KPNA1: variants seen among roughly 807,000 people sequenced by gnomAD.
KPNA1 encodes the protein karyopherin subunit alpha 1.
Under a neutral mutation model 70.5 loss-of-function variants are expected in KPNA1, and 10 were observed. The ratio of observed to expected loss-of-function variants is 0.14; its 90% CI spans 0.09 to 0.24. The LOEUF (loss-of-function observed/expected upper bound fraction) is 0.24. KPNA1 is among the 10% of genes least tolerant of loss of function. The pLI, the probability that KPNA1 is intolerant of heterozygous loss-of-function variation, is 1.00. For missense variants in KPNA1, 397 were observed against 637.9 expected (o/e 0.62, Z 4.07); for synonymous variants, 192 against 221.9 (o/e 0.87, Z 1.20).
At chr3:122,505,220 T>G (rs2076877235) in intron 1 of KPNA1, among the ~76,000 whole-genome samples, 2 of 147,960 alleles carry the variant, frequency 1.4e-5, no homozygotes, top group Non-Finnish European at 3.0e-5. Flanking sequence ...TAAGTATGGC[T>G]TGAACCCGGG....
chr3:122,473,841 G>C (rs1483666753), intron 2 of KPNA1, among the ~76,000 whole-genome samples: 1 of 152,234 alleles, frequency 6.6e-6, no homozygotes, highest in Middle Eastern at 3.4e-3. Context: ...ACATTGTATT[G>C]CAAGTCCTAA....
chr3:122,463,886 G>A (rs2076352495), intron 4 of KPNA1, 56 bp downstream of exon 4: 1 of 930,450 alleles, frequency 1.1e-6, no homozygotes. Context: ...AACAGACTAT[G>A]GGAAAGTAAT....
At chr3:122,478,248 C>T (rs959598739) in intron 2 of KPNA1, among the ~76,000 whole-genome samples, 1 of 151,532 alleles carries the variant, frequency 6.6e-6, no homozygotes, top group South Asian at 2.1e-4. Flanking sequence ...CACACACAGG[C>T]AAAAAAACAA....
At chr3:122,457,824 G>C (rs2076280450) in intron 5 of KPNA1, 3 of 1,289,606 alleles carry the variant, frequency 2.3e-6, no homozygotes, top group Non-Finnish European at 3.0e-6. Context: ...GTTCCACTCT[G>C]GTTCCTAGCA....
intron 11 of KPNA1, among the ~76,000 whole-genome samples, chr3:122,436,019 T>G (rs1049241914): frequency 2.0e-5 from 3 of 152,172 alleles, no homozygotes; most frequent in African/African-American, 7.2e-5. Flanking sequence ...CAAAAGTGAA[T>G]AGGAGAAATA....
Position 122,461,214 on chromosome 3 carries a change from T to G in KPNA1, c.432+10A>C. On this transcript the variant is annotated intron_variant, in intron 5 of 13. Transcript: ENST00000344337. ...TAAGTTATGAGGCAATAAATAAAAA[T>G]TATTCGCACCTGCAGTGTACAATTC... The G allele has an allele frequency of 4.5e-6, 7 of 1,547,996 alleles. No individual in the cohort carries two copies. The highest frequency in any genetic ancestry group is 5.3e-6 in the Non-Finnish European group (6 of 1,138,262).
At chr3:122,437,448 A>G (rs767807978) in intron 10 of KPNA1, among the ~76,000 whole-genome samples, 153 bp from the exon 11 acceptor site, 2 of 152,252 alleles carry the variant, frequency 1.3e-5, no homozygotes, top group African/African-American at 2.4e-5. Context: ...TTCACTGTTA[A>G]TAAGAATTAG....
chr3:122,450,681 G>A (rs1045063678), intron 8 of KPNA1, among the ~76,000 whole-genome samples: 2 of 152,172 alleles, frequency 1.3e-5, no homozygotes, highest in African/African-American at 2.4e-5. Context: ...TAACCACTAT[G>A]GAAAACAGTG....
chr3:122,500,795 T>C (rs905640585), intron 1 of KPNA1, among the ~76,000 whole-genome samples: 3 of 152,082 alleles, frequency 2.0e-5, no homozygotes, highest in Admixed American at 1.3e-4. Context: ...TATGCCACTG[T>C]GCCCAGGAAA....
At chr3:122,437,993 TAAACA>T (rs2076011481) in intron 10 of KPNA1, among the ~76,000 whole-genome samples, 1 of 152,246 alleles carries the variant, frequency 6.6e-6, no homozygotes, top group Non-Finnish European at 1.5e-5. Context: ...AATAAAAAGC[TAAACA>T]GATTAAAGAC....
At chr3:122,479,633 G>A (rs928071397) in intron 2 of KPNA1, among the ~76,000 whole-genome samples, 30 of 152,102 alleles carry the variant, frequency 2.0e-4, no homozygotes, top group Admixed American at 1.6e-3. Context: ...GGTGGTAGGC[G>A]CCTGTAATCC....
At chr3:122,465,328 G>A (rs1325690674) in intron 3 of KPNA1, among the ~76,000 whole-genome samples, 1 of 152,144 alleles carries the variant, frequency 6.6e-6, no homozygotes, top group Non-Finnish European at 1.5e-5. Flanking sequence ...AAACTTCATT[G>A]CCTAGCCTAG....
intron 2 of KPNA1, chr3:122,483,066 G>C (rs2076589540): frequency 6.4e-6 from 1 of 155,274 alleles, no homozygotes; most frequent in Non-Finnish European, 1.5e-5. Context: ...AGCTAACTCT[G>C]CTCCTACAAA....
chr3:122,488,183 G>A (rs2076651996), intron 2 of KPNA1, among the ~76,000 whole-genome samples: 1 of 152,166 alleles, frequency 6.6e-6, no homozygotes, highest in South Asian at 2.1e-4. Context: ...TAAAATTTGA[G>A]GTGAAAAGCT....
At chr3:122,483,068 T>G (rs1371896458) in intron 2 of KPNA1, 1 of 155,232 alleles carries the variant, frequency 6.4e-6, no homozygotes, top group Non-Finnish European at 1.5e-5. Context: ...CTAACTCTGC[T>G]CCTACAAAAG....
intron 1 of KPNA1, among the ~76,000 whole-genome samples, chr3:122,511,504 A>T (rs755575609): frequency 1.3e-5 from 2 of 152,002 alleles, no homozygotes; most frequent in Non-Finnish European, 2.9e-5. Flanking sequence ...TAACATCTTT[A>T]AAAAAAAGAA....
chr3:122,470,271 G>A (rs1036787107), intron 2 of KPNA1, among the ~76,000 whole-genome samples: 1 of 152,144 alleles, frequency 6.6e-6, no homozygotes, highest in African/African-American at 2.4e-5. Flanking sequence ...CCAGCCCTTT[G>A]GGAGGAGGCG....
At chr3:122,448,862 ACT>A (rs1346195442) in intron 9 of KPNA1, among the ~76,000 whole-genome samples, 1 of 152,268 alleles carries the variant, frequency 6.6e-6, no homozygotes, top group East Asian at 1.9e-4. Context: ...GCAGCATCAT[ACT>A]GCCATTAATT....
At chr3:122,491,310 A>G (rs1421935235) in intron 2 of KPNA1, among the ~76,000 whole-genome samples, 1 of 152,236 alleles carries the variant, frequency 6.6e-6, no homozygotes, top group Non-Finnish European at 1.5e-5. Context: ...GTCATGAAAA[A>G]CACGACTGCT....
Sources: gnomAD v4.1 joint callset for allele counts (sites outside exome capture counted in the v4.1 genomes callset) on GRCh38, gnomAD v4.1.1 for gene constraint, MANE v1.5 for transcripts, NCBI Gene and HGNC (gene_info 2026-07-23, HGNC 2026-07-21) for gene names.